Variants in KIFAP3 observed in about 807,000 individuals in gnomAD.
KIFAP3 encodes the protein kinesin-associated protein 3.
Under a neutral mutation model 106.5 loss-of-function variants are expected in KIFAP3, and 68 were observed. The ratio of observed to expected loss-of-function variants is 0.64; its 90% CI spans 0.53 to 0.78. KIFAP3 has a LOEUF of 0.78. Among genes scored for constraint, KIFAP3 ranks in the 30% least tolerant of loss-of-function variants. The probability of loss-of-function intolerance (pLI) is 0.00; values close to 1 mark genes in which losing one functional copy is unlikely to be tolerated. For missense variants in KIFAP3, 780 were observed against 941.8 expected, an observed-to-expected ratio of 0.83 and a Z score of 2.25; for synonymous variants, 320 against 311.5, an observed-to-expected ratio of 1.03 and a Z score of -0.29.
chr1:169,944,873 T>C (rs1237062249), intron 19 of KIFAP3, among the ~76,000 whole-genome samples: 1 of 152,106 alleles, frequency 6.6e-6, no homozygotes. Context: ...TGGCTGGCCA[T>C]GGACAGGGCC....
At chr1:169,977,395 T>C in intron 16 of KIFAP3, among the ~76,000 whole-genome samples, 1 of 152,184 alleles carries the variant, frequency 6.6e-6, no homozygotes, top group East Asian at 1.9e-4. Flanking sequence ...TGGGAACTAT[T>C]ACAGGCAATT....
At position 169,953,550 on chromosome 1, in the gene KIFAP3, T is replaced by C. The variant is rs147406028; in HGVS notation, c.2273+461A>G. Among the ~76,000 whole-genome samples, 69 of 152,326 alleles carry C rather than the reference T, an allele frequency of 4.5e-4. 3 individuals are homozygous for C. The East Asian group carries it at 0.013, about 29-fold the overall frequency. On this transcript the variant is annotated intron_variant, in intron 19 of 19. Coordinates refer to ENST00000361580, the MANE Select transcript of KIFAP3 (RefSeq NM_014970.4). ...TTTTTTTTTGAGACGAGTCTCGCTC[T>C]GTCACCCAGGCTGGAGTGCAGTGGC...
At chr1:170,022,383 A>C (rs1218567813) in intron 9 of KIFAP3, among the ~76,000 whole-genome samples, 1 of 152,148 alleles carries the variant, frequency 6.6e-6, no homozygotes, top group Non-Finnish European at 1.5e-5. Flanking sequence ...GTGTTTCTGG[A>C]AATTAACATT....
chr1:170,055,293 T>G lies in KIFAP3; in HGVS notation c.164+12A>C. Reference sequence around the variant, plus strand: ...TCACTACTTTCAAAATGTGCACAAATAAAGAACTTACATTTTTTGACATTC... The same window carrying G: ...TCACTACTTTCAAAATGTGCACAAAGAAAGAACTTACATTTTTTGACATTC... On this transcript the variant is annotated intron_variant, in intron 2 of 19. Transcript: ENST00000361580. 1 of 1,592,280 alleles carries G rather than the reference T, an allele frequency of 6.3e-7. No individual in the cohort carries two copies. The highest frequency in any genetic ancestry group is 1.2e-5 in the South Asian group (1 of 86,450).
intron 18 of KIFAP3, among the ~76,000 whole-genome samples, chr1:169,954,368 GTCT>G (rs1378810644): frequency 6.6e-6 from 1 of 152,062 alleles, no homozygotes; most frequent in Non-Finnish European, 1.5e-5. Flanking sequence ...AGAGGAATTA[GTCT>G]CTGCCTTCAA....
chr1:169,929,599 T>A (rs1663350877), intron 19 of KIFAP3, among the ~76,000 whole-genome samples: 1 of 152,188 alleles, frequency 6.6e-6, no homozygotes, highest in Non-Finnish European at 1.5e-5. Flanking sequence ...AGTCTTCTAA[T>A]GAGTTTCACC....
chr1:169,991,246 C>T (rs537882801), intron 11 of KIFAP3, among the ~76,000 whole-genome samples: 2 of 151,894 alleles, frequency 1.3e-5, no homozygotes, highest in African/African-American at 4.8e-5. Flanking sequence ...ACCCAGGAGG[C>T]TGAGGCAGGA....
At chr1:170,039,161 T>C (rs1669840804) in intron 4 of KIFAP3, 72 bp downstream of exon 4, 2 of 791,032 alleles carry the variant, frequency 2.5e-6, no homozygotes, top group African/African-American at 1.7e-5. Context: ...TGTGATTGTG[T>C]GTATTATTGA....
intron 3 of KIFAP3, among the ~76,000 whole-genome samples, chr1:170,042,835 C>T (rs769848754): frequency 1.1e-4 from 16 of 152,146 alleles, no homozygotes; most frequent in Non-Finnish European, 1.8e-4. Context: ...TGGGTAGCTT[C>T]GAGGCTAGTG....
intron 19 of KIFAP3, among the ~76,000 whole-genome samples, chr1:169,926,694 C>T (rs1184614289): frequency 6.6e-6 from 1 of 151,932 alleles, no homozygotes; most frequent in East Asian, 1.9e-4. Context: ...CACACACACA[C>T]ACACACACAC....
intron 19 of KIFAP3, among the ~76,000 whole-genome samples, chr1:169,940,941 GTGTGTGTGTGTGTT>G (rs958028069): frequency 6.9e-5 from 6 of 87,580 alleles, no homozygotes; most frequent in Non-Finnish European, 1.6e-4. Context: ...GTGTGTGTGT[GTGTGTGTGTGTGTT>G]TAAAGACAAC....
chr1:170,038,388 T>C lies in KIFAP3; in HGVS notation c.419A>G (p.Glu140Gly). ...ANINDMDEYI[E>G]LLYEDIPDKV... ...GTCAGGAATATCTTCATATAATAAC[T>C]CAATATATTCATCCATGTCATTAAT... Residue 140 changes from glutamate to glycine, a missense_variant, in exon 5 of 20, where the codon GAG becomes GGG. Around this residue, in one of 3 missense-constraint regions of KIFAP3, gnomAD observed 588 missense variants for 678.9 expected, o/e 0.87. Coordinates refer to ENST00000361580, the MANE Select transcript of KIFAP3 (RefSeq NM_014970.4). The C allele has an allele frequency of 6.2e-7, 1 of 1,607,266 alleles. No individual in the cohort carries two copies. The highest frequency in any genetic ancestry group is 8.5e-7 in the Non-Finnish European group (1 of 1,178,064).
chr1:170,013,445 T>C (rs1668346268), intron 10 of KIFAP3, among the ~76,000 whole-genome samples: 1 of 150,246 alleles, frequency 6.7e-6, no homozygotes. Context: ...ATACTATTAT[T>C]ATCTACATAC....
chr1:169,961,428 T>C (rs1208556198), intron 17 of KIFAP3, among the ~76,000 whole-genome samples, 193 bp from the exon 18 acceptor site: 2 of 152,186 alleles, frequency 1.3e-5, no homozygotes, highest in Admixed American at 6.5e-5. Context: ...TCTGTGTTTG[T>C]ATTATCGATC....
intron 1 of KIFAP3, among the ~76,000 whole-genome samples, chr1:170,073,409 A>G (rs1353789696): frequency 1.3e-5 from 2 of 152,260 alleles, no homozygotes; most frequent in Non-Finnish European, 2.9e-5. Context: ...GAGTCTACTA[A>G]CACTTGGAAG....
intron 10 of KIFAP3, among the ~76,000 whole-genome samples, chr1:169,998,379 CAGAT>C (rs1215810374): frequency 4.1e-5 from 1 of 24,680 alleles, no homozygotes; most frequent in Non-Finnish European, 7.5e-5. Flanking sequence ...AGTGCTTCAC[CAGAT>C]ATATATATAT....
intron 17 of KIFAP3, among the ~76,000 whole-genome samples, chr1:169,968,097 T>C (rs1665723375): frequency 6.6e-6 from 1 of 151,898 alleles, no homozygotes; most frequent in African/African-American, 2.4e-5. Flanking sequence ...GTCTATTGTG[T>C]ATTTAAAGAA....
intron 19 of KIFAP3, among the ~76,000 whole-genome samples, chr1:169,953,809 C>A (rs941282768): frequency 1.3e-5 from 2 of 152,180 alleles, no homozygotes; most frequent in Non-Finnish European, 2.9e-5. Context: ...CCACCACACG[C>A]GGCCTTGTGA....
chr1:170,009,669 T>C (rs1668147224), intron 10 of KIFAP3, among the ~76,000 whole-genome samples: 1 of 152,116 alleles, frequency 6.6e-6, no homozygotes, highest in Non-Finnish European at 1.5e-5. Flanking sequence ...AAAATTTAAC[T>C]TTTCAAGTTA....
Sources: gnomAD v4.1 joint callset for allele counts (sites outside exome capture counted in the v4.1 genomes callset) on GRCh38, gnomAD v4.1.1 for gene constraint, gnomAD v4.1.1 regional missense constraint, MANE v1.5 for transcripts, NCBI Gene and HGNC (gene_info 2026-07-23, HGNC 2026-07-21) for gene names.